LGSN: variants seen among roughly 807,000 people sequenced by gnomAD.
LGSN encodes lengsin.
In LGSN, 21 loss-of-function variants were observed where a neutral mutation model predicts 19.5. That is an observed-to-expected ratio of 1.07 (90% CI 0.76 to 1.55). The LOEUF (loss-of-function observed/expected upper bound fraction) is 1.55. LGSN is among the 40% of genes most tolerant of loss of function. The pLI is 0.00. For missense variants in LGSN, 673 were observed against 608.5 expected, an observed-to-expected ratio of 1.11 and a Z score of -1.12; for synonymous variants, 257 against 215.6, an observed-to-expected ratio of 1.19 and a Z score of -1.68.
chr6:63,480,944 T>G, the LGSN span, among the ~76,000 whole-genome samples: 2,838 of 24,000 alleles, frequency 0.12, 148 homozygotes, highest in East Asian at 0.25. Context: ...GAAAATGATA[T>G]ATATATATAT....
At chr6:63,491,682 T>A in the LGSN span, among the ~76,000 whole-genome samples, 1 of 152,186 alleles carries the variant, frequency 6.6e-6, no homozygotes, top group Non-Finnish European at 1.5e-5. Flanking sequence ...TTCTGATAAA[T>A]TGCCTATAAA....
the LGSN span, among the ~76,000 whole-genome samples, chr6:63,457,387 C>T: frequency 7.0e-4 from 107 of 152,166 alleles, 1 homozygote; most frequent in Admixed American, 1.2e-3. Flanking sequence ...TGCCTGTAGT[C>T]CCAGCTACTC....
intron 1 of LGSN, among the ~76,000 whole-genome samples, chr6:63,311,193 A>G (rs578254774): frequency 6.6e-6 from 1 of 152,254 alleles, no homozygotes; most frequent in African/African-American, 2.4e-5. Context: ...TCTTGATCAT[A>G]CCGGTTTAAA....
chr6:63,546,844 C>T, the LGSN span, among the ~76,000 whole-genome samples: 1 of 151,958 alleles, frequency 6.6e-6, no homozygotes, highest in African/African-American at 2.4e-5. Flanking sequence ...TAAATTTTCT[C>T]ATCTCAAAAA....
the LGSN span, among the ~76,000 whole-genome samples, chr6:63,325,270 T>C: frequency 2.6e-5 from 4 of 151,986 alleles, no homozygotes; most frequent in Non-Finnish European, 4.4e-5. Flanking sequence ...CTCAATGAGA[T>C]AGAAACTAAT....
chr6:63,475,973 G>A, the LGSN span, among the ~76,000 whole-genome samples: 2 of 152,186 alleles, frequency 1.3e-5, no homozygotes. Flanking sequence ...AGCAGGCAGA[G>A]TACTGACCCC....
At chr6:63,552,718 G>A in the LGSN span, among the ~76,000 whole-genome samples, 2 of 152,162 alleles carry the variant, frequency 1.3e-5, no homozygotes, top group African/African-American at 4.8e-5. Flanking sequence ...TGTATAAGGT[G>A]TAAGGAAGGG....
the LGSN span, among the ~76,000 whole-genome samples, chr6:63,407,001 G>C: frequency 6.6e-6 from 1 of 152,122 alleles, no homozygotes. Flanking sequence ...TCTCTGAATA[G>C]ACCAATAACA....
At chr6:63,458,724 T>C in the LGSN span, among the ~76,000 whole-genome samples, 202 of 152,332 alleles carry the variant, frequency 1.3e-3, 1 homozygote, top group African/African-American at 4.8e-3. Context: ...AGAGAGAGAA[T>C]GTACTTTGGA....
the LGSN span, among the ~76,000 whole-genome samples, chr6:63,432,173 A>AAAGAAAG: frequency 0.011 from 327 of 29,542 alleles, 10 homozygotes; most frequent in East Asian, 0.021. Context: ...AAGAAAGAAA[A>AAAGAAAG]GGAAAGAAAG....
the LGSN span, among the ~76,000 whole-genome samples, chr6:63,528,957 C>A: frequency 4.4e-4 from 66 of 151,700 alleles, no homozygotes; most frequent in African/African-American, 1.6e-3. Context: ...GGCGTGGTGG[C>A]ACATGCCTGT....
chr6:63,305,833 G>A (rs1481819332), intron 1 of LGSN, among the ~76,000 whole-genome samples: 1 of 152,034 alleles, frequency 6.6e-6, no homozygotes, highest in Middle Eastern at 3.2e-3. Flanking sequence ...GGCTGAGGTG[G>A]GTGGATCACT....
chr6:63,431,984 G>A, the LGSN span, among the ~76,000 whole-genome samples: 5 of 151,702 alleles, frequency 3.3e-5, no homozygotes, highest in Non-Finnish European at 7.4e-5. Context: ...GCTGAGGCAG[G>A]AGAATCACTT....
chr6:63,500,768 C>T, the LGSN span, among the ~76,000 whole-genome samples: 2 of 151,236 alleles, frequency 1.3e-5, no homozygotes, highest in East Asian at 3.9e-4. Flanking sequence ...CACTCTGTCA[C>T]CCAGGCTGGA....
At chr6:63,427,839 A>C in the LGSN span, among the ~76,000 whole-genome samples, 38 of 152,306 alleles carry the variant, frequency 2.5e-4, no homozygotes, top group African/African-American at 7.7e-4. Flanking sequence ...CACATCTAAG[A>C]ATCAATCTAA....
chr6:63,341,406 T>C, the LGSN span, among the ~76,000 whole-genome samples: 2 of 152,146 alleles, frequency 1.3e-5, no homozygotes, highest in African/African-American at 2.4e-5. Context: ...CCAAACAATG[T>C]GTGTGAGTGG....
upstream of LGSN, among the ~76,000 whole-genome samples, chr6:63,324,277 A>G (rs1044783389): frequency 2.6e-5 from 4 of 152,212 alleles, no homozygotes; most frequent in Admixed American, 2.0e-4. Flanking sequence ...TGAAACAACC[A>G]GCAGATTAAA....
the LGSN span, among the ~76,000 whole-genome samples, chr6:63,476,490 C>G: frequency 6.6e-6 from 1 of 152,188 alleles, no homozygotes; most frequent in Non-Finnish European, 1.5e-5. Flanking sequence ...TAGATATTGG[C>G]TGGAACTGCG....
the LGSN span, among the ~76,000 whole-genome samples, chr6:63,483,799 T>C: frequency 6.6e-6 from 1 of 152,050 alleles, no homozygotes; most frequent in Non-Finnish European, 1.5e-5. Context: ...CTCTTCTTTT[T>C]TCCTTTTTTT....
Sources: gnomAD v4.1 joint callset for allele counts (sites outside exome capture counted in the v4.1 genomes callset) on GRCh38, gnomAD v4.1.1 for gene constraint, MANE v1.5 for transcripts, NCBI Gene and HGNC (gene_info 2026-07-23, HGNC 2026-07-21) for gene names.